Variants in NDUFA5 observed in about 807,000 individuals in gnomAD.
The protein encoded by NDUFA5 is NADH dehydrogenase [ubiquinone] 1 alpha subcomplex subunit 5.
In NDUFA5, 11 loss-of-function variants were observed where a neutral mutation model predicts 19.8. The observed-to-expected ratio is 0.56, with a 90% CI of 0.35 to 0.92. The LOEUF (loss-of-function observed/expected upper bound fraction) is 0.92, where lower values mean the gene tolerates loss of function less well. Ranked by LOEUF, NDUFA5 falls within the 40% of genes least tolerant of loss-of-function variation. The pLI, the probability that NDUFA5 is intolerant of heterozygous loss-of-function variation, is 0.01. For missense variants in NDUFA5, 109 were observed against 134.2 expected, an observed-to-expected ratio of 0.81 and a Z score of 0.93; for synonymous variants, 47 against 46.8, an observed-to-expected ratio of 1.00 and a Z score of -0.01.
At chr7:123,583,129 C>T in the NDUFA5 span, among the ~76,000 whole-genome samples, 4 of 152,026 alleles carry the variant, frequency 2.6e-5, no homozygotes, top group South Asian at 6.2e-4. Context: ...CAGTGGCTCA[C>T]TCCCGTAATA....
At chr7:123,556,440 G>C (rs1798541627) in intron 2 of NDUFA5, 1 of 164,008 alleles carries the variant, frequency 6.1e-6, no homozygotes, top group African/African-American at 2.4e-5. Flanking sequence ...AGGTCCAAAA[G>C]AAAAGGTCCA....
chr7:123,570,083 G>T, the NDUFA5 span, among the ~76,000 whole-genome samples: 1 of 141,642 alleles, frequency 7.1e-6, no homozygotes, highest in Non-Finnish European at 1.5e-5. Context: ...TGCCCAGGCT[G>T]GCTTGCAGTG....
upstream of NDUFA5, chr7:123,558,143 T>C: frequency 2.6e-6 from 1 of 383,460 alleles, no homozygotes; most frequent in Non-Finnish European, 4.8e-6. Context: ...GCACTGTGCT[T>C]AACCGTTGAT....
chr7:123,557,889 A>G, upstream of NDUFA5: 1 of 1,606,552 alleles, frequency 6.2e-7, no homozygotes, highest in Non-Finnish European at 8.5e-7. Flanking sequence ...GTCACCCTGG[A>G]AACAGCTTAG....
intron 4 of NDUFA5, among the ~76,000 whole-genome samples, chr7:123,542,987 G>A (rs529937279): frequency 1.3e-5 from 2 of 152,160 alleles, no homozygotes; most frequent in African/African-American, 2.4e-5. Context: ...CAGGATGTTA[G>A]AAAAGAAATT....
the NDUFA5 span, among the ~76,000 whole-genome samples, chr7:123,589,979 CT>C: frequency 1.8e-4 from 27 of 152,152 alleles, no homozygotes; most frequent in Admixed American, 1.7e-3. Flanking sequence ...TCTCCAGCAT[CT>C]GTTGTTTCCT....
chr7:123,574,356 C>A, the NDUFA5 span, among the ~76,000 whole-genome samples: 5 of 152,046 alleles, frequency 3.3e-5, no homozygotes, highest in African/African-American at 7.2e-5. Context: ...TAGTATATGT[C>A]GGAATCACCT....
At chr7:123,582,894 C>T in the NDUFA5 span, among the ~76,000 whole-genome samples, 1 of 151,930 alleles carries the variant, frequency 6.6e-6, no homozygotes, top group South Asian at 2.1e-4. Context: ...GAGGAATATA[C>T]CTCATTTAGA....
chr7:123,545,693 A>G lies in NDUFA5; in HGVS notation c.184-17T>C, dbSNP rs1798107154. The G allele has an allele frequency of 1.3e-6, 2 of 1,559,842 alleles. No homozygotes were observed. The highest frequency in any genetic ancestry group is 1.4e-5 in the African/African-American group (1 of 73,366). On this transcript the variant is annotated splice_polypyrimidine_tract_variant and intron_variant, in intron 3 of 4. Transcript: ENST00000355749. Reference sequence around the variant, plus strand: ...ATCTGGTTCCTATAATTTCAGGGAGAAAAAAAATTAAAGAAGCATACTAAC... The same window carrying G: ...ATCTGGTTCCTATAATTTCAGGGAGGAAAAAAATTAAAGAAGCATACTAAC...
At chr7:123,573,858 T>G in the NDUFA5 span, among the ~76,000 whole-genome samples, 1 of 152,204 alleles carries the variant, frequency 6.6e-6, no homozygotes, top group Admixed American at 6.5e-5. Context: ...GTTTATATTA[T>G]TTTTAGCATG....
At chr7:123,564,034 C>T in the NDUFA5 span, among the ~76,000 whole-genome samples, 1 of 152,158 alleles carries the variant, frequency 6.6e-6, no homozygotes, top group African/African-American at 2.4e-5. Context: ...ACAAGAGACA[C>T]AACTTAAATT....
chr7:123,539,784 T>C lies in NDUFA5; in HGVS notation c.*2335A>G, dbSNP rs760124088. 2.0e-5 allele frequency: 3 copies of C among 152,228 alleles called. No homozygotes were observed. The highest frequency in any genetic ancestry group is 4.4e-5 in the Non-Finnish European group (3 of 68,046). 9.4% of individuals were successfully genotyped at this position (152,228 alleles called of 1,614,324 possible). ...ATTAACATAATCTGCCTATAACCTATATGCAGCTCTTTGCAGAAAATGAAA... is the reference window on the plus strand; with the variant it reads ...ATTAACATAATCTGCCTATAACCTACATGCAGCTCTTTGCAGAAAATGAAA... On this transcript the variant is annotated 3_prime_UTR_variant, in exon 5 of 5. Transcript: ENST00000355749.
chr7:123,597,097 T>C, the NDUFA5 span, among the ~76,000 whole-genome samples: 2 of 152,196 alleles, frequency 1.3e-5, no homozygotes, highest in South Asian at 2.1e-4. Flanking sequence ...AGTCAAAAAA[T>C]ATTAAACGAA....
chr7:123,547,016 AG>A, intron 3 of NDUFA5, among the ~76,000 whole-genome samples: 1 of 152,296 alleles, frequency 6.6e-6, no homozygotes, highest in Non-Finnish European at 1.5e-5. Flanking sequence ...CACACAGAAA[AG>A]GAAAAGGTAA....
At chr7:123,559,080 T>G (rs550786412), upstream of NDUFA5, among the ~76,000 whole-genome samples, 27 of 150,620 alleles carry the variant, frequency 1.8e-4, no homozygotes, top group African/African-American at 6.6e-4. Flanking sequence ...TTAGTGAAAC[T>G]AAGAAAAAAA....
At chr7:123,568,519 C>A in the NDUFA5 span, among the ~76,000 whole-genome samples, 1 of 146,100 alleles carries the variant, frequency 6.8e-6, no homozygotes, top group Middle Eastern at 3.4e-3. Flanking sequence ...GAAAGTCCAT[C>A]TCAAGAAAAA....
the NDUFA5 span, among the ~76,000 whole-genome samples, chr7:123,593,780 T>C: frequency 1.4e-4 from 22 of 152,284 alleles, no homozygotes; most frequent in East Asian, 3.9e-3. Context: ...TCTCGAGGAA[T>C]AGCTTTGTGG....
rs1305865766 is a variant in NDUFA5 at position 123,541,581 on chromosome 7, T to C, written c.*538A>G. On this transcript the variant is annotated 3_prime_UTR_variant, in exon 5 of 5. Transcript: ENST00000355749. ...GGATTTTGTAATCAACCTATAATTA[T>C]CTATTTAAATTTCACTTTACATACA... 5 of 152,342 alleles carry C rather than the reference T, an allele frequency of 3.3e-5. No individual in the cohort carries two copies. In the East Asian group the frequency reaches 7.7e-4, roughly 23 times the overall value. 9.4% of individuals were successfully genotyped at this position (152,342 alleles called of 1,614,324 possible).
chr7:123,538,349 T>C lies in NDUFA5; in HGVS notation c.*3770A>G, dbSNP rs1403337079. ...TCACGATCTAGAATACTGACTCATCTCTAGTCTCTCAAATGAATTCTTCCT... is the reference window on the plus strand; with the variant it reads ...TCACGATCTAGAATACTGACTCATCCCTAGTCTCTCAAATGAATTCTTCCT... On this transcript the variant is annotated 3_prime_UTR_variant, in exon 5 of 5. Transcript: ENST00000355749. The C allele has an allele frequency of 6.6e-6, 1 of 152,208 alleles. No homozygotes were observed. The highest frequency in any genetic ancestry group is 1.5e-5 in the Non-Finnish European group (1 of 68,032). 9.4% of individuals were successfully genotyped at this position (152,208 alleles called of 1,614,324 possible).
Sources: gnomAD v4.1 joint callset for allele counts (sites outside exome capture counted in the v4.1 genomes callset) on GRCh38, gnomAD v4.1.1 for gene constraint, MANE v1.5 for transcripts, NCBI Gene and HGNC (gene_info 2026-07-23, HGNC 2026-07-21) for gene names.